Variants in PZP observed in about 807,000 individuals in gnomAD.
The protein encoded by PZP is PZP alpha-2-macroglobulin like, also known as pregnancy zone protein.
In PZP, 150 loss-of-function variants were observed where a neutral mutation model predicts 179.8. That is an observed-to-expected ratio of 0.83 (90% confidence interval 0.73 to 0.96). The LOEUF (loss-of-function observed/expected upper bound fraction) is 0.96. PZP is among the 40% of genes least tolerant of loss of function. The probability of loss-of-function intolerance (pLI) is 0.00; values close to 1 mark genes in which losing one functional copy is unlikely to be tolerated. For synonymous variants in PZP, 624 were observed against 652.3 expected, an observed-to-expected ratio of 0.96 and a Z score of 0.66; for missense variants, 1,689 against 1,764.0, an observed-to-expected ratio of 0.96 and a Z score of 0.76.
At chr12:9,140,895 A>C in the PZP span, among the ~76,000 whole-genome samples, 2 of 152,202 alleles carry the variant, frequency 1.3e-5, no homozygotes, top group Non-Finnish European at 2.9e-5. Context: ...CTCTCCAGTC[A>C]AAGCCTTGGT....
In PZP at chr12:9,200,878, T is replaced by G. The variant is rs758695751; in HGVS notation, c.670+14A>C. 6.2e-7 allele frequency: 1 copy of G among 1,606,320 alleles called. No homozygotes were observed. The highest frequency in any genetic ancestry group is 8.5e-7 in the Non-Finnish European group (1 of 1,177,030). On this transcript the variant is annotated intron_variant, in intron 6 of 35. Coordinates refer to ENST00000261336, the MANE Select transcript of PZP (RefSeq NM_002864.3). ...CCAAAATGTTATGCCTTTTTCATCT[T>G]CCATAATCCATACCAAATTCCTCCA...
At chr12:9,160,194 G>T (rs1941074168) in intron 24 of PZP, 120 bp downstream of exon 24, 2 of 1,114,082 alleles carry the variant, frequency 1.8e-6, no homozygotes, top group East Asian at 2.4e-5. Flanking sequence ...TTAGAGTGTG[G>T]GAAGATTGTT....
intron 10 of PZP, 80 bp from the exon 11 acceptor site, chr12:9,194,318 GCTATAA>G (rs1943623103): frequency 1.5e-6 from 2 of 1,359,222 alleles, no homozygotes; most frequent in Non-Finnish European, 2.0e-6. Flanking sequence ...TGCTTTTGCT[GCTATAA>G]CTAAAACAAC....
intron 17 of PZP, among the ~76,000 whole-genome samples, chr12:9,168,121 A>C (rs976523628): frequency 1.3e-5 from 2 of 152,202 alleles, no homozygotes; most frequent in Non-Finnish European, 2.9e-5. Context: ...GTGTTGGTGC[A>C]TTATATTTAG....
At chr12:9,140,417 C>G in the PZP span, among the ~76,000 whole-genome samples, 3 of 152,122 alleles carry the variant, frequency 2.0e-5, no homozygotes, top group Non-Finnish European at 4.4e-5. Context: ...GAGATAGAAG[C>G]AACATTCCTT....
At chr12:9,145,204 C>T (rs375506128), downstream of PZP, among the ~76,000 whole-genome samples, 11 of 152,102 alleles carry the variant, frequency 7.2e-5, no homozygotes, top group East Asian at 2.1e-3. Context: ...TTTATTTTTG[C>T]CATGTTAGTT....
Position 9,150,717 on chromosome 12 carries a change from G to C in PZP, c.4311C>G (p.Phe1437Leu), listed in dbSNP as rs1470748286. 4 of 1,612,704 alleles carry C rather than the reference G, an allele frequency of 2.5e-6. No individual in the cohort carries two copies. In the South Asian group the frequency reaches 4.4e-5, roughly 18 times the overall value. ...CTACTGGGATGTCTTGCAGAACCAT[G>C]AAGGAAAAACTTAGCGTCTGATTTG... is the stretch of plus-strand genomic sequence containing the variant. The part of the protein sequence containing the change: ...QVTNQTLSFS[F>L]MVLQDIPVGD... The change falls in exon 34 of 36, where the codon TTC becomes TTG. Residue 1437 changes from phenylalanine to leucine, a missense_variant. Physicochemically the swap from Phe to Leu is conservative, Grantham distance 22 (BLOSUM62 0). Coordinates refer to ENST00000261336, the MANE Select transcript of PZP (RefSeq NM_002864.3).
At position 9,184,910 on chromosome 12, in the gene PZP, G is replaced by A. The variant is rs112978215; in HGVS notation, c.1547-2793C>T. ...TCAAACCTCCAAGGTCATCGAATAG[G>A]ATAAAAGGAAAAAATCAAAACAACA... On this transcript the variant is annotated intron_variant, in intron 13 of 35. Transcript: ENST00000261336. Among the ~76,000 whole-genome samples, 1,468 of 152,202 alleles carry A rather than the reference G, an allele frequency of 9.6e-3. 13 individuals are homozygous for A. Among genetic ancestry groups the A allele is most frequent in the Non-Finnish European group, 0.015 (1,051 of 68,016 alleles).
rs1592471224 is a variant in PZP, at chr12:9,164,992, G to A, written c.2487+147C>T. The stretch of plus-strand genomic sequence containing the variant: ...ATCATTGTATTATCTTTCTGATCAT[G>A]TCCTGCTTTGCATAGCACTAATTAT... On this transcript the variant is annotated intron_variant, in intron 19 of 35. Coordinates refer to ENST00000261336, the MANE Select transcript of PZP (RefSeq NM_002864.3). 14 of 978,340 alleles carry A rather than the reference G, an allele frequency of 1.4e-5. No homozygotes were observed. The East Asian group carries it at 3.3e-4, about 23-fold the overall frequency. The allele number at this position is 978,340 out of a possible 1,614,324, so 60.6% of individuals were successfully genotyped here.
chr12:9,196,747 A>G, intron 8 of PZP, 62 bp from the exon 9 acceptor site: 2 of 1,394,898 alleles, frequency 1.4e-6, no homozygotes, highest in Admixed American at 3.4e-5. Context: ...CACTGAATCT[A>G]CTATTCTGTC....
chr12:9,207,947 T>A (rs1184228405), intron 1 of PZP, among the ~76,000 whole-genome samples: 2 of 152,220 alleles, frequency 1.3e-5, no homozygotes, highest in African/African-American at 2.4e-5. Flanking sequence ...TCACTATATA[T>A]TTCGAATATC....
At chr12:9,155,932 C>A in intron 28 of PZP, 1 of 161,562 alleles carries the variant, frequency 6.2e-6, no homozygotes, top group South Asian at 1.8e-4. Flanking sequence ...TCACACCATC[C>A]TCATGGTAGT....
intron 10 of PZP, among the ~76,000 whole-genome samples, chr12:9,194,747 A>T (rs1181953672): frequency 6.6e-6 from 1 of 152,108 alleles, no homozygotes; most frequent in Non-Finnish European, 1.5e-5. Context: ...TACAGGCGTG[A>T]GCCACCGTGC....
At chr12:9,177,336 A>G (rs901276096) in intron 15 of PZP, among the ~76,000 whole-genome samples, 1 of 152,196 alleles carries the variant, frequency 6.6e-6, no homozygotes, top group Non-Finnish European at 1.5e-5. Context: ...GCCTCCTGCC[A>G]ATAGCTCTCA....
intron 23 of PZP, 121 bp from the exon 24 acceptor site, chr12:9,160,611 CAG>C (rs1328668796): frequency 3.1e-5 from 27 of 869,910 alleles, no homozygotes; most frequent in Non-Finnish European, 4.6e-5. Flanking sequence ...GTTATATACA[CAG>C]AGTGTGACTT....
chr12:9,164,799 G>A (rs747136326), intron 19 of PZP, among the ~76,000 whole-genome samples: 2 of 152,256 alleles, frequency 1.3e-5, no homozygotes, highest in East Asian at 1.9e-4. Flanking sequence ...TCAAGATGAC[G>A]GGTTGGAGAA....
the PZP span, among the ~76,000 whole-genome samples, chr12:9,140,042 G>A: frequency 6.6e-6 from 1 of 152,176 alleles, no homozygotes; most frequent in East Asian, 1.9e-4. Flanking sequence ...TCTTGGGATG[G>A]GCATGTCTCT....
chr12:9,190,900 A>G (rs1164158893), intron 13 of PZP, among the ~76,000 whole-genome samples: 2 of 152,186 alleles, frequency 1.3e-5, no homozygotes, highest in Non-Finnish European at 2.9e-5. Context: ...ACAAATTGTG[A>G]ATAAAATTTG....
At chr12:9,145,367 T>C (rs1939954985), downstream of PZP, among the ~76,000 whole-genome samples, 1 of 152,102 alleles carries the variant, frequency 6.6e-6, no homozygotes, top group South Asian at 2.1e-4. Flanking sequence ...TACCTTGGAG[T>C]CTACACAAAA....
Sources: allele counts gnomAD v4.1 joint callset (sites outside exome capture counted in the v4.1 genomes callset), GRCh38; gene constraint gnomAD v4.1.1; transcripts MANE v1.5; gene names NCBI Gene and HGNC (gene_info 2026-07-23, HGNC 2026-07-21).